The following TRIM55 variants were observed in gnomAD, a reference collection of about 807,000 sequenced individuals.
TRIM55 encodes tripartite motif containing 55.
TRIM55 carries 50 observed loss-of-function variants against 60.9 expected under a neutral mutation model. The ratio of observed to expected loss-of-function variants is 0.82; its 90% confidence interval spans 0.65 to 1.04. The LOEUF (loss-of-function observed/expected upper bound fraction) is 1.04, where lower values mean the gene tolerates loss of function less well. TRIM55 is among the 50% of genes least tolerant of loss of function. TRIM55 has a pLI of 0.00. For synonymous variants in TRIM55, 237 were observed against 238.1 expected, an observed-to-expected ratio of 1.00 and a Z score of 0.04; for missense variants, 681 against 666.9, an observed-to-expected ratio of 1.02 and a Z score of -0.23.
rs765635824 is a variant in TRIM55, at chr8:66,149,715, G to A, written c.674G>A (p.Arg225Lys). 1.2e-6 allele frequency: 2 copies of A among 1,614,180 alleles called. No homozygotes were observed. Among genetic ancestry groups the A allele is most frequent in the South Asian group, 2.2e-5 (2 of 91,084 alleles). ...TACCTGTATGGCATTTTGGAGGAGA[G>A]GAAGAATGAAATGACCCAAGTCATT... ...FDYLYGILEE[R>K]KNEMTQVITR... Residue 225 changes from arginine (R) to lysine (K), a missense_variant, in exon 5 of 10, where the codon AGG becomes AAG. By Grantham distance (26) the Arg-to-Lys change is conservative. Transcript: ENST00000315962.
At chr8:66,161,400 C>T (rs1011681771) in intron 9 of TRIM55, among the ~76,000 whole-genome samples, 2 of 152,060 alleles carry the variant, frequency 1.3e-5, no homozygotes, top group Non-Finnish European at 2.9e-5. Context: ...TATTTTTATA[C>T]CAGTACCATG....
At chr8:66,113,454 GA>G in the TRIM55 span, 19 of 453,790 alleles carry the variant, frequency 4.2e-5, no homozygotes, top group Admixed American at 4.3e-4. Flanking sequence ...ATTCCGGCTC[GA>G]AGGAGACAAG....
intron 7 of TRIM55, 44 bp downstream of exon 7, chr8:66,150,510 G>C (rs768160890): frequency 6.2e-7 from 1 of 1,610,492 alleles, no homozygotes; most frequent in South Asian, 1.1e-5. Flanking sequence ...GCAGGTGTGT[G>C]AAAGCTGCCG....
At chr8:66,113,366 C>T in the TRIM55 span, 1 of 381,746 alleles carries the variant, frequency 2.6e-6, no homozygotes, top group East Asian at 7.3e-5. Flanking sequence ...ACGTACACGT[C>T]CCTTCGATAG....
At chr8:66,163,342 T>C (rs1277652979) in intron 9 of TRIM55, among the ~76,000 whole-genome samples, 1 of 152,228 alleles carries the variant, frequency 6.6e-6, no homozygotes, top group Admixed American at 6.5e-5. Flanking sequence ...TCTCTTTCTG[T>C]TTGTTAGGGT....
upstream of TRIM55, among the ~76,000 whole-genome samples, chr8:66,125,265 CTT>C (rs1213559756): frequency 2.0e-5 from 3 of 152,210 alleles, no homozygotes; most frequent in African/African-American, 4.8e-5. Flanking sequence ...GGCTTGTACT[CTT>C]TATCACATTT....
intron 4 of TRIM55, among the ~76,000 whole-genome samples, chr8:66,139,553 A>C (rs1385521122): frequency 1.3e-5 from 2 of 152,214 alleles, no homozygotes; most frequent in African/African-American, 4.8e-5. Context: ...AATCAGCAGA[A>C]GGGATTAGTG....
chr8:66,122,607 C>T (rs868856773), upstream of TRIM55, among the ~76,000 whole-genome samples: 2 of 152,120 alleles, frequency 1.3e-5, no homozygotes, highest in African/African-American at 4.8e-5. Flanking sequence ...ACAAGGTAAA[C>T]CAAAAATATG....
In TRIM55 at chr8:66,149,753, G is replaced by C. The variant is rs79639279; in HGVS notation, c.712G>C (p.Glu238Gln). ...EMTQVITRTQ[E>Q]EKLEHVRALI... ...GACCCAAGTCATTACCCGAACCCAA[G>C]AGGAGAAACTGGAACATGTCCGTGC... Residue 238 changes from glutamate (E) to glutamine (Q), a missense_variant, in exon 5 of 10, where the codon GAG becomes CAG. Glu to Gln is a conservative substitution (Grantham distance 29). Coordinates refer to ENST00000315962, the MANE Select transcript of TRIM55 (RefSeq NM_184085.2). 6.2e-7 allele frequency: 1 copy of C among 1,614,174 alleles called. No homozygotes were observed. Among genetic ancestry groups the C allele is most frequent in the Non-Finnish European group, 8.5e-7 (1 of 1,180,008 alleles).
chr8:66,156,906 CA>C (rs1810775054), intron 9 of TRIM55, among the ~76,000 whole-genome samples: 1 of 152,164 alleles, frequency 6.6e-6, no homozygotes, highest in East Asian at 1.9e-4. Context: ...CTCAGCTGCC[CA>C]ACTCCTTCAG....
the TRIM55 span, among the ~76,000 whole-genome samples, chr8:66,119,141 C>T: frequency 6.6e-6 from 1 of 152,228 alleles, no homozygotes; most frequent in Non-Finnish European, 1.5e-5. Context: ...CACTGACTCT[C>T]TGCCTCCACA....
intron 9 of TRIM55, among the ~76,000 whole-genome samples, chr8:66,169,019 G>T (rs1275073922): frequency 6.6e-6 from 1 of 152,152 alleles, no homozygotes; most frequent in Non-Finnish European, 1.5e-5. Context: ...TGTAGAGAAT[G>T]ATCATTTAGG....
chr8:66,161,017 T>C (rs1317836323), intron 9 of TRIM55, among the ~76,000 whole-genome samples: 1 of 152,188 alleles, frequency 6.6e-6, no homozygotes, highest in Non-Finnish European at 1.5e-5. Context: ...AGAAGCTTTT[T>C]AGTTTAATTA....
Position 66,174,527 on chromosome 8 carries a change from T to C in TRIM55, c.1581T>C (p.Ser527=), listed in dbSNP as rs61753689. The C allele has an allele frequency of 3.7e-3, 5,941 of 1,612,040 alleles. 20 individuals carry two copies. Among genetic ancestry groups the C allele is most frequent in the South Asian group, 6.4e-3 (577 of 90,818 alleles). Residue 527 remains serine (S), a synonymous_variant, in exon 10 of 10, where the codon AGT becomes AGC. Transcript: ENST00000315962. ...QGQAAAPASG[S]GADSEPARHI... is the part of the protein sequence containing the mutation. ...AGGCTGCAGCTCCAGCGAGTGGCAG[T>C]GGAGCTGATTCTGAGCCAGCTCGCC...
chr8:66,113,999 T>G, the TRIM55 span, among the ~76,000 whole-genome samples: 3 of 149,310 alleles, frequency 2.0e-5, no homozygotes. Context: ...CTTCGATAGC[T>G]CAGCTGGTAG....
chr8:66,147,769 T>C (rs1311300349), intron 4 of TRIM55, among the ~76,000 whole-genome samples: 1 of 129,718 alleles, frequency 7.7e-6, no homozygotes, highest in Non-Finnish European at 1.5e-5. Context: ...CACTCCAGCG[T>C]GGGTGACAGA....
intron 7 of TRIM55, among the ~76,000 whole-genome samples, chr8:66,151,234 G>A (rs1481997964): frequency 6.6e-6 from 1 of 151,966 alleles, no homozygotes; most frequent in Non-Finnish European, 1.5e-5. Flanking sequence ...CATAAACCTG[G>A]GTCTGTGTGA....
chr8:66,148,770 C>T (rs759383896), intron 4 of TRIM55, among the ~76,000 whole-genome samples: 6 of 152,038 alleles, frequency 3.9e-5, no homozygotes, highest in African/African-American at 9.7e-5. Flanking sequence ...TGATTAAGGC[C>T]GGGCACGGTG....
the TRIM55 span, chr8:66,114,417 C>T: frequency 2.4e-5 from 10 of 412,676 alleles, no homozygotes; most frequent in Admixed American, 2.4e-4. Flanking sequence ...GTTTATCCTT[C>T]TAGCTTTAAA....
Sources: gnomAD v4.1 joint callset for allele counts (sites outside exome capture counted in the v4.1 genomes callset) on GRCh38, gnomAD v4.1.1 for gene constraint, MANE v1.5 for transcripts, NCBI Gene and HGNC (gene_info 2026-07-23, HGNC 2026-07-21) for gene names.